PPARGC1A: variants seen among roughly 807,000 people sequenced by gnomAD.
PPARGC1A encodes the protein PPARG coactivator 1 alpha.
A neutral mutation model predicts 88.7 loss-of-function variants in PPARGC1A; 25 were observed. That is an observed-to-expected ratio of 0.28 (90% confidence interval 0.21 to 0.39). PPARGC1A has a LOEUF of 0.39. Among genes scored for constraint, PPARGC1A ranks in the 10% least tolerant of loss-of-function variants. The pLI, the probability that PPARGC1A is intolerant of heterozygous loss-of-function variation, is 1.00. For synonymous variants in PPARGC1A, 363 were observed against 355.6 expected, an observed-to-expected ratio of 1.02 and a Z score of -0.24; for missense variants, 880 against 968.7, an observed-to-expected ratio of 0.91 and a Z score of 1.22.
chr4:24,162,478 C>G, the PPARGC1A span, among the ~76,000 whole-genome samples: 2 of 152,052 alleles, frequency 1.3e-5, no homozygotes, highest in South Asian at 2.1e-4. Context: ...CCAAGCTTAC[C>G]AAAGTTGTCT....
At chr4:24,014,281 C>T in the PPARGC1A span, among the ~76,000 whole-genome samples, 1 of 152,152 alleles carries the variant, frequency 6.6e-6, no homozygotes, top group Admixed American at 6.5e-5. Flanking sequence ...TGCATCTTTC[C>T]TTTGGATTCA....
intron 12 of PPARGC1A, among the ~76,000 whole-genome samples, chr4:23,797,609 A>G (rs193167246): frequency 6.6e-6 from 1 of 152,194 alleles, no homozygotes; most frequent in Non-Finnish European, 1.5e-5. Flanking sequence ...GCAAATATTT[A>G]AAAAAATTGT....
At chr4:24,466,850 G>A in the PPARGC1A span, among the ~76,000 whole-genome samples, 2 of 127,046 alleles carry the variant, frequency 1.6e-5, no homozygotes, top group Non-Finnish European at 3.2e-5. Context: ...GGAGGTGGAG[G>A]TTGCAGTGAG....
the PPARGC1A span, among the ~76,000 whole-genome samples, chr4:24,038,497 T>C: frequency 6.6e-6 from 1 of 152,194 alleles, no homozygotes; most frequent in Non-Finnish European, 1.5e-5. Context: ...TAATTACCTC[T>C]CCTGAGTCTA....
the PPARGC1A span, among the ~76,000 whole-genome samples, chr4:23,966,335 C>A: frequency 6.6e-6 from 1 of 152,172 alleles, no homozygotes; most frequent in African/African-American, 2.4e-5. Context: ...AGCCACTAGC[C>A]ACCCCTGTGT....
chr4:23,935,801 T>A, the PPARGC1A span, among the ~76,000 whole-genome samples: 1 of 152,200 alleles, frequency 6.6e-6, no homozygotes, highest in Non-Finnish European at 1.5e-5. Context: ...CAGTGCTATC[T>A]GAATCCAAAC....
At chr4:24,300,508 G>A in the PPARGC1A span, among the ~76,000 whole-genome samples, 1 of 151,488 alleles carries the variant, frequency 6.6e-6, no homozygotes, top group Non-Finnish European at 1.5e-5. Flanking sequence ...AACTATAAAT[G>A]GATAATATCA....
the PPARGC1A span, among the ~76,000 whole-genome samples, chr4:23,917,046 C>T: frequency 5.9e-5 from 9 of 152,188 alleles, no homozygotes; most frequent in Non-Finnish European, 1.2e-4. Flanking sequence ...CCCGCACATG[C>T]TACCTCACCC....
the PPARGC1A span, among the ~76,000 whole-genome samples, chr4:23,929,920 A>G: frequency 6.6e-6 from 1 of 152,170 alleles, no homozygotes; most frequent in Non-Finnish European, 1.5e-5. Flanking sequence ...GGAGGGTATT[A>G]TCATTCCATT....
chr4:24,034,268 G>A, the PPARGC1A span, among the ~76,000 whole-genome samples: 39,041 of 151,834 alleles, frequency 0.26, 5,916 homozygotes, highest in African/African-American at 0.41. Context: ...TTCAATAAAT[G>A]AATCACAAAG....
chr4:24,144,165 A>G, the PPARGC1A span, among the ~76,000 whole-genome samples: 1 of 152,212 alleles, frequency 6.6e-6, no homozygotes, highest in South Asian at 2.1e-4. Context: ...ATCCCAAAAA[A>G]GTGTCTTCAC....
At chr4:24,459,436 T>C in the PPARGC1A span, among the ~76,000 whole-genome samples, 2 of 151,146 alleles carry the variant, frequency 1.3e-5, no homozygotes, top group South Asian at 4.2e-4. Context: ...GTATTTAATG[T>C]TATGGATGGT....
the PPARGC1A span, among the ~76,000 whole-genome samples, chr4:24,113,488 A>G: frequency 6.6e-6 from 1 of 152,262 alleles, no homozygotes; most frequent in East Asian, 1.9e-4. Context: ...CCATAACCCC[A>G]CTTTCTCTGT....
the PPARGC1A span, among the ~76,000 whole-genome samples, chr4:23,929,318 G>C: frequency 6.6e-6 from 1 of 152,154 alleles, no homozygotes; most frequent in Non-Finnish European, 1.5e-5. Flanking sequence ...AAACTTGTGT[G>C]AGTTACTAGA....
intron 7 of PPARGC1A, among the ~76,000 whole-genome samples, chr4:23,823,284 G>C (rs1045863612): frequency 6.6e-6 from 1 of 151,860 alleles, no homozygotes; most frequent in Non-Finnish European, 1.5e-5. Flanking sequence ...GCAATAAAAA[G>C]TGGCTACCAT....
the PPARGC1A span, among the ~76,000 whole-genome samples, chr4:24,004,038 A>G: frequency 3.3e-5 from 5 of 152,210 alleles, no homozygotes; most frequent in African/African-American, 4.8e-5. Context: ...CTAGTCAGTC[A>G]TATGGTTTGT....
At chr4:24,129,108 C>T in the PPARGC1A span, among the ~76,000 whole-genome samples, 1 of 152,162 alleles carries the variant, frequency 6.6e-6, no homozygotes, top group African/African-American at 2.4e-5. Flanking sequence ...TTAAAATGAA[C>T]TTTCTGGGTG....
chr4:23,812,506 CA>C (rs1200544269), intron 10 of PPARGC1A, among the ~76,000 whole-genome samples: 1 of 151,940 alleles, frequency 6.6e-6, no homozygotes, highest in Non-Finnish European at 1.5e-5. Flanking sequence ...AAGGTGAAAA[CA>C]GTAATGAACT....
the PPARGC1A span, among the ~76,000 whole-genome samples, chr4:24,363,040 T>A: frequency 6.6e-6 from 1 of 152,230 alleles, no homozygotes; most frequent in Admixed American, 6.5e-5. Context: ...TCTCTTGCAC[T>A]CACTTCAGGC....
Sources: allele counts gnomAD v4.1 joint callset (sites outside exome capture counted in the v4.1 genomes callset), GRCh38; gene constraint gnomAD v4.1.1; transcripts MANE v1.5; gene names NCBI Gene and HGNC (gene_info 2026-07-23, HGNC 2026-07-21).